Variants in COL11A1 observed in about 807,000 individuals in gnomAD.
COL11A1 encodes the protein collagen alpha-1(XI) chain.
In COL11A1, 74 loss-of-function variants were observed where a neutral mutation model predicts 265.2. The observed-to-expected ratio is 0.28, with a 90% CI of 0.23 to 0.34. The LOEUF (loss-of-function observed/expected upper bound fraction) is 0.34. Among genes scored for constraint, COL11A1 ranks in the 10% least tolerant of loss-of-function variants. COL11A1 has a pLI of 1.00. For synonymous variants in COL11A1, 816 were observed against 727.6 expected, an observed-to-expected ratio of 1.12 and a Z score of -1.96; for missense variants, 2,165 against 2,263.6, an observed-to-expected ratio of 0.96 and a Z score of 0.88.
intron 64 of COL11A1, among the ~76,000 whole-genome samples, chr1:102,882,179 G>T (rs377610210): frequency 2.6e-5 from 4 of 152,084 alleles, no homozygotes; most frequent in African/African-American, 7.2e-5. Context: ...AAAGTATTTA[G>T]CCAGTAGCTA....
chr1:103,038,689 T>C (rs1571118312), intron 4 of COL11A1, among the ~76,000 whole-genome samples: 2 of 152,214 alleles, frequency 1.3e-5, no homozygotes, highest in Admixed American at 6.5e-5. Context: ...GATTGATCAA[T>C]GTTGTATTTT....
intron 29 of COL11A1, among the ~76,000 whole-genome samples, chr1:102,988,435 T>G (rs1249896442): frequency 1.3e-5 from 2 of 152,166 alleles, no homozygotes; most frequent in African/African-American, 2.4e-5. Context: ...AGAAAGAGTT[T>G]GCAATTCCCC....
chr1:102,944,692 T>C (rs2101370396), intron 42 of COL11A1, among the ~76,000 whole-genome samples: 1 of 152,312 alleles, frequency 6.6e-6, no homozygotes, highest in Admixed American at 6.5e-5. Flanking sequence ...TTACTTATTC[T>C]TCATAAATCT....
intron 3 of COL11A1, among the ~76,000 whole-genome samples, chr1:103,076,277 T>C (rs191206291): frequency 6.6e-6 from 1 of 152,218 alleles, no homozygotes; most frequent in Non-Finnish European, 1.5e-5. Context: ...CCAATATCTC[T>C]CAATTTAGTA....
chr1:103,069,457 G>A (rs2102251114), intron 4 of COL11A1, among the ~76,000 whole-genome samples: 1 of 151,838 alleles, frequency 6.6e-6, no homozygotes, highest in East Asian at 1.9e-4. Flanking sequence ...ACAACGTTCT[G>A]ATACTAAAAA....
chr1:102,890,811 T>A (rs2100867003), intron 57 of COL11A1, among the ~76,000 whole-genome samples: 1 of 152,216 alleles, frequency 6.6e-6, no homozygotes. Flanking sequence ...TTGGAAGGGA[T>A]TTCCAAATTA....
intron 57 of COL11A1, among the ~76,000 whole-genome samples, chr1:102,896,212 CAA>C (rs5776663): frequency 3.1e-3 from 450 of 143,052 alleles, no homozygotes; most frequent in Middle Eastern, 7.1e-3. Flanking sequence ...AACTTAAAGC[CAA>C]AAAAAAAAAA....
intron 15 of COL11A1, among the ~76,000 whole-genome samples, chr1:103,007,902 A>C (rs1665771564): frequency 6.7e-6 from 1 of 150,328 alleles, no homozygotes; most frequent in Non-Finnish European, 1.5e-5. Context: ...TCTACAGGTT[A>C]AAGAGTATGT....
intron 14 of COL11A1, among the ~76,000 whole-genome samples, chr1:103,011,131 T>A (rs1460186169): frequency 6.6e-6 from 1 of 152,190 alleles, no homozygotes; most frequent in African/African-American, 2.4e-5. Context: ...CAGTCTTAAG[T>A]TCAGAGTCCC....
intron 54 of COL11A1, among the ~76,000 whole-genome samples, chr1:102,899,953 C>A (rs1047349820): frequency 1.3e-5 from 2 of 152,122 alleles, no homozygotes; most frequent in East Asian, 3.9e-4. Context: ...TTGGAGGGTA[C>A]AACGTGCATT....
chr1:102,923,608 T>C (rs7553464), intron 46 of COL11A1, among the ~76,000 whole-genome samples: 1 of 152,026 alleles, frequency 6.6e-6, no homozygotes, highest in South Asian at 2.1e-4. Flanking sequence ...TTTTGTATAA[T>C]ATTATATTGT....
chr1:102,997,488 G>A (rs962731662), intron 25 of COL11A1, among the ~76,000 whole-genome samples: 1 of 151,920 alleles, frequency 6.6e-6, no homozygotes, highest in African/African-American at 2.4e-5. Flanking sequence ...TTAATCAAAT[G>A]ATCATACATG....
intron 5 of COL11A1, among the ~76,000 whole-genome samples, chr1:103,026,993 G>T (rs1162711626): frequency 6.6e-6 from 1 of 151,816 alleles, no homozygotes; most frequent in East Asian, 1.9e-4. Flanking sequence ...GACATTAAAA[G>T]ATTCAAAATT....
intron 28 of COL11A1, among the ~76,000 whole-genome samples, chr1:102,993,934 C>T (rs576277139): frequency 6.6e-6 from 1 of 152,262 alleles, no homozygotes; most frequent in East Asian, 1.9e-4. Flanking sequence ...GGAGAGCCAA[C>T]TGGTACTCTG....
At chr1:102,946,814 G>A in intron 42 of COL11A1, 35 bp downstream of exon 42, 1 of 1,486,146 alleles carries the variant, frequency 6.7e-7, no homozygotes, top group East Asian at 2.3e-5. Flanking sequence ...GTACAGGGTA[G>A]CAGCATAATA....
chr1:103,053,918 C>A (rs887736014), intron 4 of COL11A1, among the ~76,000 whole-genome samples: 1 of 152,148 alleles, frequency 6.6e-6, no homozygotes, highest in Non-Finnish European at 1.5e-5. Context: ...TTAGAAAGAA[C>A]AACTGCATAT....
At chr1:103,025,701 G>A in intron 6 of COL11A1, 88 bp from the exon 7 acceptor site, 1 of 1,554,936 alleles carries the variant, frequency 6.4e-7, no homozygotes, top group South Asian at 1.1e-5. Context: ...TATAGTATTA[G>A]CCAAGTGAGT....
chr1:102,967,607 GTTAC>G (rs1661572909), intron 37 of COL11A1, among the ~76,000 whole-genome samples: 3 of 152,084 alleles, frequency 2.0e-5, no homozygotes, highest in Admixed American at 2.0e-4. Context: ...TGCAAATTCA[GTTAC>G]TTCCTTTGCT....
chr1:103,000,918 G>A lies in COL11A1; in HGVS notation c.2142+1007C>T, dbSNP rs548979169. 6 of 363,688 alleles carry A rather than the reference G, an allele frequency of 1.6e-5. No homozygotes were observed. In the South Asian group the frequency reaches 6.0e-4, roughly 36 times the overall value. 22.5% of individuals were successfully genotyped at this position (363,688 alleles called of 1,614,324 possible). ...ATACCCAATCAATGGAATACTATGA[G>A]AACAAAATAAGGAGCAAAGTACTAA... is the stretch of plus-strand genomic sequence containing the variant. On this transcript the variant is annotated intron_variant, in intron 24 of 66. Coordinates refer to ENST00000370096, the MANE Select transcript of COL11A1 (RefSeq NM_001854.4).
Sources: allele counts gnomAD v4.1 joint callset (sites outside exome capture counted in the v4.1 genomes callset), GRCh38; gene constraint gnomAD v4.1.1; transcripts MANE v1.5; gene names NCBI Gene and HGNC (gene_info 2026-07-23, HGNC 2026-07-21).